Variants in PHF21B observed in about 807,000 individuals in gnomAD.
PHF21B encodes PHD finger protein 21B.
Under a neutral mutation model 62.2 loss-of-function variants are expected in PHF21B, and 22 were observed. The observed-to-expected ratio is 0.35, with a 90% confidence interval of 0.25 to 0.51. The LOEUF is 0.51. Ranked by LOEUF, PHF21B falls within the 20% of genes least tolerant of loss-of-function variation. PHF21B has a pLI of 0.97. For missense variants in PHF21B, 701 were observed against 707.9 expected (o/e 0.99, Z 0.11); for synonymous variants, 341 against 314.7 (o/e 1.08, Z -0.88).
chr22:44,995,884 C>A (rs2073113796), intron 2 of PHF21B, among the ~76,000 whole-genome samples: 1 of 151,412 alleles, frequency 6.6e-6, no homozygotes, highest in African/African-American at 2.4e-5. Flanking sequence ...TCCGCCGGGC[C>A]CCAGACGATG....
chr22:44,938,558 G>A (rs1338518920), intron 2 of PHF21B, among the ~76,000 whole-genome samples: 1 of 152,212 alleles, frequency 6.6e-6, no homozygotes, highest in Non-Finnish European at 1.5e-5. Context: ...AGAAGGACAA[G>A]AGCTGCAGCT....
intron 3 of PHF21B, among the ~76,000 whole-genome samples, chr22:44,918,189 G>A (rs965223596): frequency 3.9e-5 from 6 of 152,246 alleles, no homozygotes; most frequent in Admixed American, 6.5e-5. Context: ...GCTGTTCTCC[G>A]CCTCTGAAGA....
At chr22:44,885,624 C>A (rs2070843561) in intron 11 of PHF21B, 95 bp from the exon 12 acceptor site, 5 of 1,244,016 alleles carry the variant, frequency 4.0e-6, no homozygotes, top group Non-Finnish European at 4.4e-6. Flanking sequence ...GAAACCAAGG[C>A]CTAGGACATC....
At chr22:44,970,135 G>T (rs536905228) in intron 2 of PHF21B, among the ~76,000 whole-genome samples, 1 of 152,220 alleles carries the variant, frequency 6.6e-6, no homozygotes, top group Non-Finnish European at 1.5e-5. Flanking sequence ...CTGGCTTATC[G>T]GAGATGCATG....
intron 2 of PHF21B, among the ~76,000 whole-genome samples, chr22:44,997,430 C>T (rs894827200): frequency 6.6e-6 from 1 of 151,994 alleles, no homozygotes; most frequent in African/African-American, 2.4e-5. Flanking sequence ...GGGAGGTGGA[C>T]GTGGGCAATG....
chr22:44,954,172 G>A (rs1423936963), intron 2 of PHF21B, among the ~76,000 whole-genome samples: 4 of 151,978 alleles, frequency 2.6e-5, no homozygotes, highest in Admixed American at 6.6e-5. Flanking sequence ...TGCATTGTAC[G>A]TTTCGTTTCT....
At chr22:44,963,585 A>T (rs2072467345) in intron 2 of PHF21B, among the ~76,000 whole-genome samples, 1 of 152,218 alleles carries the variant, frequency 6.6e-6, no homozygotes. Flanking sequence ...AACGGATAAG[A>T]AGATGCTTTG....
chr22:44,917,344 G>A (rs527704377), intron 3 of PHF21B, among the ~76,000 whole-genome samples: 1 of 152,288 alleles, frequency 6.6e-6, no homozygotes, highest in South Asian at 2.1e-4. Flanking sequence ...TGCACAGGAA[G>A]TGCTGGGTGT....
chr22:44,896,263 G>C (rs1273395207), intron 5 of PHF21B, among the ~76,000 whole-genome samples, 180 bp from the exon 6 acceptor site: 3 of 152,224 alleles, frequency 2.0e-5, no homozygotes, highest in Non-Finnish European at 2.9e-5. Context: ...GATTTCCAAA[G>C]AGAGTATCTA....
At chr22:45,008,833 G>T in intron 1 of PHF21B, 2 of 1,184,920 alleles carry the variant, frequency 1.7e-6, no homozygotes, top group East Asian at 3.6e-5. Context: ...GCGGGGCGGG[G>T]CGGGGGCCGA....
chr22:44,904,198 G>C (rs1601584033), intron 5 of PHF21B, among the ~76,000 whole-genome samples: 1 of 152,032 alleles, frequency 6.6e-6, no homozygotes, highest in African/African-American at 2.4e-5. Context: ...CACTGCTCCT[G>C]GCATGTTCTA....
intron 2 of PHF21B, among the ~76,000 whole-genome samples, chr22:44,974,655 G>T (rs991585869): frequency 6.6e-6 from 1 of 152,158 alleles, no homozygotes; most frequent in Non-Finnish European, 1.5e-5. Context: ...ATGCAGCCTG[G>T]TGCTATACAG....
intron 2 of PHF21B, among the ~76,000 whole-genome samples, chr22:44,963,636 G>A (rs2072468263): frequency 6.6e-6 from 1 of 152,226 alleles, no homozygotes; most frequent in African/African-American, 2.4e-5. Context: ...CGCAGACTTT[G>A]TTTTAACTCA....
At chr22:44,889,970 T>C (rs924671280) in intron 8 of PHF21B, among the ~76,000 whole-genome samples, 188 bp from the exon 9 acceptor site, 5 of 149,666 alleles carry the variant, frequency 3.3e-5, no homozygotes, top group African/African-American at 9.9e-5. Context: ...GGCCCTGTGA[T>C]ACCTGGGATC....
chr22:44,933,603 AG>A, intron 2 of PHF21B: 2 of 931,836 alleles, frequency 2.1e-6, no homozygotes, highest in Non-Finnish European at 2.6e-6. Context: ...GCTACATAGA[AG>A]GGGTAAGCGT....
chr22:44,946,431 G>A (rs542468659), intron 2 of PHF21B, among the ~76,000 whole-genome samples: 1 of 152,156 alleles, frequency 6.6e-6, no homozygotes, highest in African/African-American at 2.4e-5. Flanking sequence ...GAAGAGTGCT[G>A]GCGTCCTGGG....
chr22:44,982,342 T>C (rs554903875), intron 2 of PHF21B, among the ~76,000 whole-genome samples: 1 of 152,370 alleles, frequency 6.6e-6, no homozygotes, highest in African/African-American at 2.4e-5. Flanking sequence ...AGATCATGAC[T>C]GAGCATCCAC....
At chr22:44,896,170 G>A (rs2071054197) in intron 5 of PHF21B, 87 bp from the exon 6 acceptor site, 1 of 1,457,280 alleles carries the variant, frequency 6.9e-7, no homozygotes, top group Non-Finnish European at 9.6e-7. Flanking sequence ...GGCAGGTGCA[G>A]GGCGATACCT....
intron 2 of PHF21B, among the ~76,000 whole-genome samples, chr22:44,986,602 G>A (rs2072954599): frequency 6.6e-6 from 1 of 151,940 alleles, no homozygotes; most frequent in Non-Finnish European, 1.5e-5. Context: ...TAGTATGTCT[G>A]GGAAATGGTC....
Sources: gnomAD v4.1 joint callset for allele counts (sites outside exome capture counted in the v4.1 genomes callset) on GRCh38, gnomAD v4.1.1 for gene constraint, MANE v1.5 for transcripts, NCBI Gene and HGNC (gene_info 2026-07-23, HGNC 2026-07-21) for gene names.